RFC2: variants seen among roughly 807,000 people sequenced by gnomAD.
The protein encoded by RFC2 is replication factor C subunit 2.
A neutral mutation model predicts 44.8 loss-of-function variants in RFC2; 34 were observed. That is an observed-to-expected ratio of 0.76 (90% CI 0.58 to 1.01). RFC2 has a LOEUF of 1.01. Among genes scored for constraint, RFC2 ranks in the 50% least tolerant of loss-of-function variants. RFC2 has a pLI of 0.00. For synonymous variants in RFC2, 177 were observed against 168.9 expected, an observed-to-expected ratio of 1.05 and a Z score of -0.37; for missense variants, 400 against 453.6, an observed-to-expected ratio of 0.88 and a Z score of 1.07.
chr7:74,247,645 A>AG (rs1290151718), intron 4 of RFC2, among the ~76,000 whole-genome samples: 1 of 152,208 alleles, frequency 6.6e-6, no homozygotes, highest in Non-Finnish European at 1.5e-5. Context: ...GTCTCAAAAA[A>AG]AAAGAAAGAA....
intron 10 of RFC2, among the ~76,000 whole-genome samples, chr7:74,233,537 A>G (rs1264716017): frequency 6.6e-6 from 1 of 152,062 alleles, no homozygotes; most frequent in Non-Finnish European, 1.5e-5. Context: ...ATGCAAATTA[A>G]AGGCACAATG....
intron 10 of RFC2, among the ~76,000 whole-genome samples, chr7:74,233,320 C>CTTG (rs1554717541): frequency 6.6e-6 from 1 of 152,154 alleles, no homozygotes; most frequent in Non-Finnish European, 1.5e-5. Flanking sequence ...CAAGACCAGC[C>CTTG]TTGGCAACAC....
intron 2 of RFC2, 26 bp from the exon 3 acceptor site, chr7:74,249,806 C>T (rs782392522): frequency 7.5e-6 from 12 of 1,605,696 alleles, no homozygotes; most frequent in Middle Eastern, 1.6e-4. Flanking sequence ...TCATTAAAAC[C>T]GGTTAAAACT....
At chr7:74,249,529 A>G (rs1803812451) in intron 3 of RFC2, among the ~76,000 whole-genome samples, 1 of 151,938 alleles carries the variant, frequency 6.6e-6, no homozygotes, top group African/African-American at 2.4e-5. Context: ...TGACAGAGTG[A>G]GACTCCGTTT....
intron 1 of RFC2, 101 bp downstream of exon 1, chr7:74,254,170 C>G (rs1787140593): frequency 6.8e-6 from 6 of 878,862 alleles, no homozygotes; most frequent in Non-Finnish European, 1.1e-5. Flanking sequence ...TCGGGATTCC[C>G]CAAAACGAGC....
At chr7:74,234,735 G>T (rs1554717924) in intron 10 of RFC2, among the ~76,000 whole-genome samples, 2 of 151,990 alleles carry the variant, frequency 1.3e-5, no homozygotes, top group Non-Finnish European at 2.9e-5. Flanking sequence ...AATGAGCCTG[G>T]CACCTCCCTC....
intron 4 of RFC2, 42 bp downstream of exon 4, chr7:74,248,970 G>T: frequency 7.2e-7 from 1 of 1,386,836 alleles, no homozygotes; most frequent in Non-Finnish European, 1.0e-6. Context: ...AATTCTCAAT[G>T]CAGAGCACCC....
At chr7:74,234,551 CA>C (rs1309265253) in intron 10 of RFC2, among the ~76,000 whole-genome samples, 1 of 151,886 alleles carries the variant, frequency 6.6e-6, no homozygotes, top group Non-Finnish European at 1.5e-5. Flanking sequence ...TCAGGACAAT[CA>C]GCCACGTTGA....
At position 74,232,208 on chromosome 7, in the gene RFC2, T is replaced by C; in HGVS notation, c.963A>G (p.Gly321=). ...YLKLEFIKEI[G]YTHMKIAEGV... is the part of the protein sequence containing the mutation. The stretch of plus-strand genomic sequence containing the variant: ...CTTCCGCTATTTTCATGTGAGTGTA[T>C]CCAATTTCCTGAAAAACAAACCAAA... The change falls in exon 11 of 11, where the codon GGA becomes GGG. Residue 321 remains glycine (G), a synonymous_variant. Coordinates refer to ENST00000055077, the MANE Select transcript of RFC2 (RefSeq NM_181471.3). 1 of 1,599,462 alleles carries C rather than the reference T, an allele frequency of 6.3e-7. No individual in the cohort carries two copies.
intron 10 of RFC2, among the ~76,000 whole-genome samples, chr7:74,232,593 G>A (rs1381706107): frequency 6.6e-6 from 1 of 152,146 alleles, no homozygotes; most frequent in Non-Finnish European, 1.5e-5. Context: ...AAGTCCAGGC[G>A]TGGTGGCTCA....
chr7:74,242,231 C>T (rs1803371565), intron 6 of RFC2, among the ~76,000 whole-genome samples: 1 of 152,284 alleles, frequency 6.6e-6, no homozygotes, highest in African/African-American at 2.4e-5. Flanking sequence ...CGACTGTGAT[C>T]GTGACACCGT....
At chr7:74,237,490 T>G in intron 8 of RFC2, 48 bp from the exon 9 acceptor site, 1 of 1,333,814 alleles carries the variant, frequency 7.5e-7, no homozygotes, top group Non-Finnish European at 1.0e-6. Flanking sequence ...AGGGACAATG[T>G]GAGCGGGGAG....
intron 2 of RFC2, among the ~76,000 whole-genome samples, chr7:74,251,797 C>CAAAAA (rs1158873785): frequency 1.8e-5 from 1 of 56,954 alleles, no homozygotes; most frequent in African/African-American, 6.6e-5. Context: ...GACTCCATCT[C>CAAAAA]AAAAAAAAAA....
chr7:74,233,694 G>T (rs1802854910), intron 10 of RFC2: 5 of 403,514 alleles, frequency 1.2e-5, no homozygotes, highest in South Asian at 8.8e-5. Context: ...TCCACCTCCT[G>T]GGTTCAAGCG....
At chr7:74,234,768 C>T (rs1287241082) in intron 10 of RFC2, among the ~76,000 whole-genome samples, 1 of 152,122 alleles carries the variant, frequency 6.6e-6, no homozygotes, top group Non-Finnish European at 1.5e-5. Context: ...GTGGTCTCTG[C>T]ATGCACAGGC....
At chr7:74,251,666 C>T (rs1476106710) in intron 2 of RFC2, among the ~76,000 whole-genome samples, 4 of 150,242 alleles carry the variant, frequency 2.7e-5, no homozygotes, top group East Asian at 4.0e-4. Context: ...GGCGTGGTGG[C>T]GTGTGCCTGT....
chr7:74,235,680 T>G, intron 9 of RFC2, 35 bp from the exon 10 acceptor site: 1 of 1,391,692 alleles, frequency 7.2e-7, no homozygotes, highest in Non-Finnish European at 1.0e-6. Context: ...TGCTTACCAC[T>G]TTAAACTGTA....
At chr7:74,245,349 G>C (rs1554719823) in intron 5 of RFC2, among the ~76,000 whole-genome samples, 1 of 151,868 alleles carries the variant, frequency 6.6e-6, no homozygotes, top group African/African-American at 2.4e-5. Context: ...CAACCGAAGT[G>C]TTGTGATGGT....
intron 2 of RFC2, among the ~76,000 whole-genome samples, chr7:74,252,098 C>CAAA (rs140868309): frequency 9.3e-5 from 2 of 21,540 alleles, no homozygotes; most frequent in African/African-American, 1.7e-4. Context: ...GGCTCCATCT[C>CAAA]AAAAAAAAAA....
Sources: gnomAD v4.1 joint callset for allele counts (sites outside exome capture counted in the v4.1 genomes callset) on GRCh38, gnomAD v4.1.1 for gene constraint, MANE v1.5 for transcripts, NCBI Gene and HGNC (gene_info 2026-07-23, HGNC 2026-07-21) for gene names.